SLC4A4: variants seen among roughly 807,000 people sequenced by gnomAD.
SLC4A4 encodes electrogenic sodium bicarbonate cotransporter 1.
SLC4A4 carries 27 observed loss-of-function variants against 111.5 expected under a neutral mutation model. The observed-to-expected ratio is 0.24, with a 90% CI of 0.18 to 0.33. The LOEUF is 0.33. SLC4A4 is among the 10% of genes least tolerant of loss of function. The probability of loss-of-function intolerance (pLI) is 1.00; values close to 1 mark genes in which losing one functional copy is unlikely to be tolerated. For synonymous variants in SLC4A4, 443 were observed against 463.4 expected, an observed-to-expected ratio of 0.96 and a Z score of 0.57; for missense variants, 909 against 1,315.5, an observed-to-expected ratio of 0.69 and a Z score of 4.78.
chr4:71,192,527 C>T (rs1187690786), intron 1 of SLC4A4, among the ~76,000 whole-genome samples: 3 of 152,022 alleles, frequency 2.0e-5, no homozygotes, highest in East Asian at 1.9e-4. Context: ...CTGAAAACAG[C>T]GTGGTAGTAA....
chr4:71,262,048 C>T (rs192221739), intron 3 of SLC4A4, among the ~76,000 whole-genome samples: 36 of 152,168 alleles, frequency 2.4e-4, no homozygotes, highest in African/African-American at 3.4e-4. Flanking sequence ...ACCACCTAAG[C>T]GGAAGGCAGG....
chr4:71,093,207 C>A (rs1056459471), intron 2 of SLC4A4, among the ~76,000 whole-genome samples: 2 of 151,738 alleles, frequency 1.3e-5, no homozygotes, highest in Admixed American at 1.3e-4. Flanking sequence ...CTTGCTCTAT[C>A]ACCAGGCTGG....
At chr4:71,400,293 A>T (rs1720240696) in intron 7 of SLC4A4, among the ~76,000 whole-genome samples, 1 of 152,202 alleles carries the variant, frequency 6.6e-6, no homozygotes, top group Admixed American at 6.5e-5. Flanking sequence ...CATATTACAT[A>T]AAATTTTGAT....
intron 16 of SLC4A4, among the ~76,000 whole-genome samples, chr4:71,520,396 T>C (rs1732821047): frequency 6.6e-6 from 1 of 152,244 alleles, no homozygotes; most frequent in African/African-American, 2.4e-5. Flanking sequence ...ACAGACTAAG[T>C]ACTCAATACT....
chr4:71,204,286 C>G (rs760647485), intron 1 of SLC4A4, among the ~76,000 whole-genome samples: 13 of 152,316 alleles, frequency 8.5e-5, no homozygotes, highest in Middle Eastern at 3.4e-3. Flanking sequence ...TTAATTGCCA[C>G]AACCCCCATG....
chr4:71,195,523 A>G (rs1745958053), intron 1 of SLC4A4, among the ~76,000 whole-genome samples: 1 of 152,200 alleles, frequency 6.6e-6, no homozygotes, highest in Admixed American at 6.5e-5. Flanking sequence ...GAAAATTGAA[A>G]TAAATACAAG....
chr4:71,241,371 T>C (rs1720207893), intron 2 of SLC4A4, among the ~76,000 whole-genome samples: 1 of 152,130 alleles, frequency 6.6e-6, no homozygotes, highest in Admixed American at 6.6e-5. Context: ...AATAATGAAA[T>C]GGTGGCTTTT....
intron 8 of SLC4A4, among the ~76,000 whole-genome samples, chr4:71,445,481 G>A (rs905452081): frequency 6.6e-6 from 1 of 152,140 alleles, no homozygotes; most frequent in African/African-American, 2.4e-5. Context: ...GATACAGAGT[G>A]TTTGGAAAAG....
intron 1 of SLC4A4, among the ~76,000 whole-genome samples, chr4:71,078,851 C>G (rs1048300456): frequency 3.3e-5 from 5 of 151,842 alleles, no homozygotes; most frequent in African/African-American, 1.2e-4. Context: ...CAGAGTCTCA[C>G]TCTGTTGCCC....
At chr4:71,181,152 G>A (rs1560762925) in intron 2 of SLC4A4, among the ~76,000 whole-genome samples, 1 of 147,074 alleles carries the variant, frequency 6.8e-6, no homozygotes, top group African/African-American at 2.5e-5. Flanking sequence ...ACTCATAGGT[G>A]GGAATTGAAC....
At chr4:71,483,933 G>A (rs1315609797) in intron 14 of SLC4A4, among the ~76,000 whole-genome samples, 2 of 95,532 alleles carry the variant, frequency 2.1e-5, no homozygotes, top group Admixed American at 9.4e-5. Flanking sequence ...TTGATGTTGA[G>A]CTTTTTTTTT....
chr4:71,466,605 T>G (rs770050733), intron 13 of SLC4A4, 28 bp downstream of exon 13: 25 of 1,604,778 alleles, frequency 1.6e-5, no homozygotes, highest in Non-Finnish European at 2.0e-5. Context: ...TAATTGCAAA[T>G]TAGAATTGCT....
intron 16 of SLC4A4, among the ~76,000 whole-genome samples, chr4:71,519,976 G>A (rs928119586): frequency 3.9e-5 from 6 of 152,154 alleles, no homozygotes; most frequent in African/African-American, 9.6e-5. Context: ...TCTCTCATTC[G>A]CCAAAATATG....
intron 13 of SLC4A4, among the ~76,000 whole-genome samples, chr4:71,466,931 A>AGAG (rs1727381732): frequency 1.3e-4 from 12 of 94,808 alleles, no homozygotes; most frequent in Admixed American, 6.3e-4. Context: ...ACAAGACGGG[A>AGAG]AGAGAGAGAG....
chr4:71,280,244 G>A lies in SLC4A4; in HGVS notation c.253+24845G>A, dbSNP rs1035043995. Among the ~76,000 whole-genome samples the A allele has an allele frequency of 2.0e-5, 3 of 152,186 alleles. No individual in the cohort carries two copies. The East Asian group carries it at 5.8e-4, about 29-fold the overall frequency. On this transcript the variant is annotated intron_variant, in intron 3 of 25. Coordinates refer to ENST00000264485, the MANE Select transcript of SLC4A4 (RefSeq NM_001098484.3). ...TGAGAAATATCTATTCAAGTTCTTT[G>A]ACCATTTTTTCTTTGGCTATTGAGT... is the stretch of plus-strand genomic sequence containing the variant.
At chr4:71,095,703 C>T (rs777020902) in intron 2 of SLC4A4, among the ~76,000 whole-genome samples, 1 of 152,118 alleles carries the variant, frequency 6.6e-6, no homozygotes, top group Non-Finnish European at 1.5e-5. Flanking sequence ...AAGGGTATGG[C>T]TCCTACTGTC....
intron 7 of SLC4A4, among the ~76,000 whole-genome samples, chr4:71,417,098 A>T (rs1721895628): frequency 6.6e-6 from 1 of 152,214 alleles, no homozygotes; most frequent in Non-Finnish European, 1.5e-5. Flanking sequence ...GCCACAACAC[A>T]GGTGTGAACA....
intron 21 of SLC4A4, 97 bp downstream of exon 21, chr4:71,555,305 A>G: frequency 1.2e-6 from 1 of 838,394 alleles, no homozygotes; most frequent in Non-Finnish European, 2.1e-6. Context: ...AATCATTATT[A>G]ACTGCTGAGT....
intron 10 of SLC4A4, 28 bp from the exon 11 acceptor site, chr4:71,451,160 T>C (rs1329151562): frequency 7.2e-7 from 1 of 1,381,644 alleles, no homozygotes; most frequent in South Asian, 1.2e-5. Flanking sequence ...TAAACTAATA[T>C]ACTCTTGGGC....
Sources: allele counts gnomAD v4.1 joint callset (sites outside exome capture counted in the v4.1 genomes callset), GRCh38; gene constraint gnomAD v4.1.1; transcripts MANE v1.5; gene names NCBI Gene and HGNC (gene_info 2026-07-23, HGNC 2026-07-21).